PTPRD: variants seen among roughly 807,000 people sequenced by gnomAD.
PTPRD encodes the protein protein tyrosine phosphatase receptor type D, also known as receptor-type tyrosine-protein phosphatase delta.
Under a neutral mutation model 214.5 loss-of-function variants are expected in PTPRD, and 34 were observed. The observed-to-expected ratio is 0.16, with a 90% CI of 0.12 to 0.21. The LOEUF is 0.21. Ranked by LOEUF, PTPRD falls within the 10% of genes least tolerant of loss-of-function variation. The pLI, the probability that PTPRD is intolerant of heterozygous loss-of-function variation, is 1.00. For missense variants in PTPRD, 2,545 were observed against 2,398.7 expected, an observed-to-expected ratio of 1.06 and a Z score of -1.27; for synonymous variants, 1,128 against 845.7, an observed-to-expected ratio of 1.33 and a Z score of -5.79.
chr9:10,006,109 C>T (rs1374077488), intron 4 of PTPRD, among the ~76,000 whole-genome samples: 2 of 123,672 alleles, frequency 1.6e-5, no homozygotes, highest in Non-Finnish European at 2.0e-5. Flanking sequence ...TAATGATTTC[C>T]TATTGCTTTT....
chr9:8,921,351 TA>T (rs1344190558), intron 11 of PTPRD, among the ~76,000 whole-genome samples: 1 of 152,196 alleles, frequency 6.6e-6, no homozygotes. Flanking sequence ...CACACATGAC[TA>T]TCCAATGATT....
Position 10,511,967 on chromosome 9 carries a change from C to T in PTPRD, c.-600+100431G>A, listed in dbSNP as rs201052982. Among the ~76,000 whole-genome samples, 12 of 110,314 alleles carry T rather than the reference C, an allele frequency of 1.1e-4. 2 individuals are homozygous for T. Among genetic ancestry groups the T allele is most frequent in the East Asian group, 7.4e-4 (3 of 4,080 alleles). 72.4% of individuals were successfully genotyped at this position (110,314 alleles called of 152,430 possible). A position where few individuals can be genotyped will look rare whatever the true frequency, so the allele number is the denominator to read the frequency against. On this transcript the variant is annotated intron_variant, in intron 2 of 45. Transcript: ENST00000381196. ...ATATACGTGTGTGTATATATATATA[C>T]GTGTGTGTGTATATATATATACGTG... is the stretch of plus-strand genomic sequence containing the variant.
intron 10 of PTPRD, among the ~76,000 whole-genome samples, chr9:9,176,241 T>C (rs2099924787): frequency 6.6e-6 from 1 of 152,176 alleles, no homozygotes; most frequent in Non-Finnish European, 1.5e-5. Flanking sequence ...TGTGATTGAA[T>C]TAATTCAGCT....
At chr9:9,496,327 T>A (rs899678126) in intron 8 of PTPRD, among the ~76,000 whole-genome samples, 8 of 152,168 alleles carry the variant, frequency 5.3e-5, no homozygotes, top group African/African-American at 1.9e-4. Context: ...AAGTCAAATA[T>A]TTGATAAGAG....
chr9:8,511,887 T>G (rs898915911), intron 21 of PTPRD, among the ~76,000 whole-genome samples: 1 of 152,206 alleles, frequency 6.6e-6, no homozygotes, highest in Non-Finnish European at 1.5e-5. Context: ...AATTACACTC[T>G]ATATAAATAT....
intron 3 of PTPRD, among the ~76,000 whole-genome samples, chr9:10,292,834 G>A (rs1225756526): frequency 1.3e-5 from 2 of 151,282 alleles, no homozygotes; most frequent in African/African-American, 4.9e-5. Context: ...TCCATTTAAT[G>A]TTACTGAATG....
intron 11 of PTPRD, among the ~76,000 whole-genome samples, chr9:8,923,175 G>A (rs2154271611): frequency 6.6e-6 from 1 of 151,672 alleles, no homozygotes; most frequent in East Asian, 2.0e-4. Flanking sequence ...CTAAGTAGCT[G>A]GGATTACAGG....
chr9:10,379,172 A>G, intron 2 of PTPRD, among the ~76,000 whole-genome samples: 1 of 151,636 alleles, frequency 6.6e-6, no homozygotes, highest in South Asian at 2.1e-4. Flanking sequence ...TACTATTATT[A>G]TACTTTAAGT....
rs897044823 is a variant in PTPRD at position 10,357,010 on chromosome 9, C to T, written c.-599-15993G>A. Among the ~76,000 whole-genome samples the T allele has an allele frequency of 2.6e-5, 4 of 152,200 alleles. No individual in the cohort carries two copies. The East Asian group carries it at 7.7e-4, about 29-fold the overall frequency. On this transcript the variant is annotated intron_variant, in intron 2 of 45. Coordinates refer to ENST00000381196, the MANE Select transcript of PTPRD (RefSeq NM_002839.4). ...AGAACAGTTTTAAAAAGAATATAGG[C>T]ACCACCAATATTTGTGTACTATTCA...
chr9:9,088,003 T>C (rs1261364810), intron 10 of PTPRD, among the ~76,000 whole-genome samples: 1 of 143,614 alleles, frequency 7.0e-6, no homozygotes, highest in Non-Finnish European at 1.5e-5. Flanking sequence ...TGCCCCAGCC[T>C]CCTGAGTAGC....
At chr9:9,046,599 T>C (rs956615678) in intron 10 of PTPRD, among the ~76,000 whole-genome samples, 6 of 152,198 alleles carry the variant, frequency 3.9e-5, no homozygotes, top group African/African-American at 1.4e-4. Flanking sequence ...ACCAGTCAAA[T>C]AGGTGATATT....
chr9:9,883,075 T>C (rs1265586243), intron 5 of PTPRD, among the ~76,000 whole-genome samples: 1 of 152,174 alleles, frequency 6.6e-6, no homozygotes, highest in Non-Finnish European at 1.5e-5. Flanking sequence ...TTCAGAACTA[T>C]GAGCCATATA....
intron 9 of PTPRD, among the ~76,000 whole-genome samples, chr9:9,244,793 C>T (rs200838958): frequency 2.0e-5 from 3 of 151,988 alleles, no homozygotes; most frequent in African/African-American, 2.4e-5. Flanking sequence ...AATGGGATCT[C>T]ATTAAACTAA....
chr9:9,741,522 G>C (rs1487343191), intron 6 of PTPRD, among the ~76,000 whole-genome samples: 1 of 151,956 alleles, frequency 6.6e-6, no homozygotes, highest in Non-Finnish European at 1.5e-5. Context: ...TTGTTACATA[G>C]GTATACATGT....
intron 11 of PTPRD, among the ~76,000 whole-genome samples, chr9:8,789,775 C>A (rs990899784): frequency 6.6e-6 from 1 of 152,034 alleles, no homozygotes; most frequent in Non-Finnish European, 1.5e-5. Flanking sequence ...GAATTCAACC[C>A]GTGTCTCACA....
chr9:9,877,717 G>C (rs1043142850), intron 5 of PTPRD, among the ~76,000 whole-genome samples: 2 of 152,102 alleles, frequency 1.3e-5, no homozygotes, highest in Admixed American at 6.6e-5. Flanking sequence ...GCTCACGCCT[G>C]TAATCCCAGC....
intron 3 of PTPRD, among the ~76,000 whole-genome samples, chr9:10,139,392 T>C (rs973380485): frequency 6.6e-6 from 1 of 151,690 alleles, no homozygotes. Context: ...TACAAATAAA[T>C]GGAAAAACAT....
At chr9:9,692,293 T>G (rs1295236440) in intron 7 of PTPRD, among the ~76,000 whole-genome samples, 1 of 151,986 alleles carries the variant, frequency 6.6e-6, no homozygotes, top group East Asian at 1.9e-4. Flanking sequence ...CTTTTTAATT[T>G]GATTGGTGTA....
At chr9:9,554,856 C>A (rs1413818480) in intron 8 of PTPRD, among the ~76,000 whole-genome samples, 1 of 152,010 alleles carries the variant, frequency 6.6e-6, no homozygotes, top group African/African-American at 2.4e-5. Flanking sequence ...ACATTCCAAG[C>A]CAGGAAAAAC....
Sources: allele counts gnomAD v4.1 joint callset (sites outside exome capture counted in the v4.1 genomes callset), GRCh38; gene constraint gnomAD v4.1.1; transcripts MANE v1.5; gene names NCBI Gene and HGNC (gene_info 2026-07-23, HGNC 2026-07-21).